Variants in COL16A1 observed in about 807,000 individuals in gnomAD.
COL16A1 encodes the protein collagen alpha-1(XVI) chain.
Under a neutral mutation model 266.3 loss-of-function variants are expected in COL16A1, and 189 were observed. The ratio of observed to expected loss-of-function variants is 0.71; its 90% CI spans 0.63 to 0.80. The LOEUF (loss-of-function observed/expected upper bound fraction) is 0.80, where lower values mean the gene tolerates loss of function less well. Among genes scored for constraint, COL16A1 ranks in the 30% least tolerant of loss-of-function variants. The pLI, the probability that COL16A1 is intolerant of heterozygous loss-of-function variation, is 0.00. For missense variants in COL16A1, 1,928 were observed against 2,122.4 expected (o/e 0.91, Z 1.80); for synonymous variants, 740 against 782.3 (o/e 0.95, Z 0.90).
At chr1:31,694,079 A>C in intron 12 of COL16A1, 65 bp downstream of exon 12, 1 of 1,477,138 alleles carries the variant, frequency 6.8e-7, no homozygotes. Context: ...ACAGGGTCAC[A>C]TGCTGTGGGA....
chr1:31,665,471 G>T, intron 55 of COL16A1, 112 bp downstream of exon 55: 1 of 1,588,676 alleles, frequency 6.3e-7, no homozygotes. Flanking sequence ...GTTCTCCCCT[G>T]CCTCTCCCCT....
rs755093440 is a variant in COL16A1, at chr1:31,683,963, A to G, written c.2324T>C (p.Leu775Pro). 8.1e-6 allele frequency: 13 copies of G among 1,614,058 alleles called. No individual in the cohort carries two copies. The highest frequency in any genetic ancestry group is 5.9e-6 in the Non-Finnish European group (7 of 1,180,020). The change falls in exon 33 of 71, where the codon CTG becomes CCG. Residue 775 changes from leucine (L) to proline (P), a missense_variant. By Grantham distance (98) the Leu-to-Pro change is moderately conservative. Coordinates refer to ENST00000373672, the MANE Select transcript of COL16A1 (RefSeq NM_001856.4). ...GLPGVQGPPG[L>P]KGVQGEPGPP... ...ACTCACACATACCTGCACGCCCTTC[A>G]GTCCTGGGGGCCCTTGAACTCCTGG... is the stretch of plus-strand genomic sequence containing the variant.
intron 55 of COL16A1, 54 bp downstream of exon 55, chr1:31,665,529 C>G: frequency 1.9e-6 from 3 of 1,613,896 alleles, no homozygotes; most frequent in Non-Finnish European, 2.5e-6. Flanking sequence ...TCAGGCCTGC[C>G]CCTCCCGATG....
At chr1:31,691,373 G>A (rs750377753) in intron 19 of COL16A1, 44 bp downstream of exon 19, 10 of 1,591,088 alleles carry the variant, frequency 6.3e-6, no homozygotes, top group South Asian at 3.4e-5. Context: ...GTGGGAGAGC[G>A]GTCTCTGAGA....
chr1:31,673,135 T>A (rs1319930573), intron 44 of COL16A1: 1 of 459,776 alleles, frequency 2.2e-6, no homozygotes, highest in Non-Finnish European at 4.1e-6. Context: ...AGAGGGACCA[T>A]CTGTCCCGGC....
At chr1:31,675,430 G>A (rs1029336354) in intron 42 of COL16A1, 119 bp from the exon 43 acceptor site, 3 of 1,440,140 alleles carry the variant, frequency 2.1e-6, no homozygotes, top group African/African-American at 1.4e-5. Flanking sequence ...TGAGAGCCCT[G>A]GCTGGCACAA....
rs758370549 is a variant in COL16A1, at chr1:31,688,739, A to T, written c.1767+122T>A. Reference sequence around the variant, plus strand: ...AGGGACCAGGAGACAGGCCTGGGACACCTGCCTCTTCCCCTCCCTCCTGAT... The same window carrying T: ...AGGGACCAGGAGACAGGCCTGGGACTCCTGCCTCTTCCCCTCCCTCCTGAT... On this transcript the variant is annotated intron_variant, in intron 25 of 70. Transcript: ENST00000373672. The surrounding 1 kb of genome is among the most constrained non-coding windows in gnomAD (Gnocchi z 4.9). 49 of 1,161,742 alleles carry T rather than the reference A, an allele frequency of 4.2e-5. No individual in the cohort carries two copies. Among genetic ancestry groups the T allele is most frequent in the Non-Finnish European group, 6.0e-5 (49 of 811,100 alleles). 72.0% of individuals were successfully genotyped at this position (1,161,742 alleles called of 1,614,324 possible). A position where few individuals can be genotyped will look rare whatever the true frequency, so the allele number is the denominator to read the frequency against.
chr1:31,655,323 AG>A lies in COL16A1; in HGVS notation c.4280del (p.Pro1427LeufsTer8). ...CAGCCTTCCCCCTTACCATGGAGCCAGGCACACCAGGCAAGCCAGGGCTCCC... is the reference window on the plus strand; with the variant it reads ...CAGCCTTCCCCCTTACCATGGAGCCAGCACACCAGGCAAGCCAGGGCTCCC... ...PSGSPGLPGV[P>X]GSMGDMVNYD... On this transcript the variant is annotated frameshift_variant, in exon 67 of 71. Coordinates refer to ENST00000373672, the MANE Select transcript of COL16A1 (RefSeq NM_001856.4). LOFTEE classifies it high-confidence loss of function. 6.2e-7 allele frequency: 1 copy of A among 1,613,230 alleles called. No homozygotes were observed. Among genetic ancestry groups the A allele is most frequent in the Non-Finnish European group, 8.5e-7 (1 of 1,179,620 alleles).
At chr1:31,659,123 A>G (rs1302109424) in intron 62 of COL16A1, among the ~76,000 whole-genome samples, 159 bp from the exon 63 acceptor site, 1 of 152,172 alleles carries the variant, frequency 6.6e-6, no homozygotes, top group Non-Finnish European at 1.5e-5. Context: ...TTCGGACAAG[A>G]TTTGCGCCCA....
chr1:31,691,339 C>A lies in COL16A1; in HGVS notation c.1398+78G>T, dbSNP rs2297680. 230,035 of 1,580,366 alleles carry A rather than the reference C, an allele frequency of 0.15. 20,603 individuals carry two copies. The highest frequency in any genetic ancestry group is 0.37 in the South Asian group (31,847 of 85,340). On this transcript the variant is annotated intron_variant, in intron 19 of 70. Coordinates refer to ENST00000373672, the MANE Select transcript of COL16A1 (RefSeq NM_001856.4). ...GATCCCTGGGACAGAGCCTTATCTT[C>A]CCCCCGTTCATTCCCTGGCCAGGGT...
chr1:31,671,639 G>A lies in COL16A1; in HGVS notation c.3126C>T (p.Gly1042=), dbSNP rs1266213716. The A allele has an allele frequency of 1.2e-6, 2 of 1,614,068 alleles. No individual in the cohort carries two copies. The highest frequency in any genetic ancestry group is 1.1e-5 in the South Asian group (1 of 91,076). Residue 1042 remains glycine (G), a synonymous_variant, in exon 48 of 71, where the codon GGC becomes GGT. Coordinates refer to ENST00000373672, the MANE Select transcript of COL16A1 (RefSeq NM_001856.4). ...CGATAGGGCCTGGAGGACCCGGGGA[G>A]CCCCTCATGCCAGGCGGACCCTGCA... ...RGEEGPPGMR[G]SPGPPGPIGP... is the part of the protein sequence containing the mutation.
chr1:31,662,830 CTCCCCAGGAG>C, intron 56 of COL16A1, 172 bp from the exon 57 acceptor site: 1 of 650,070 alleles, frequency 1.5e-6, no homozygotes, highest in South Asian at 1.9e-5. Flanking sequence ...CACACGTCGC[CTCCCCAGGAG>C]GATCTGTCTT....
intron 60 of COL16A1, 121 bp from the exon 61 acceptor site, chr1:31,661,240 G>A (rs1295933749): frequency 7.5e-6 from 11 of 1,467,926 alleles, no homozygotes; most frequent in Admixed American, 4.1e-5. Context: ...GCCCTCTGAT[G>A]CCCTCCAGCT....
rs764202561 is a variant in COL16A1, at chr1:31,652,618, C to G, written c.*33G>C. 12 of 1,528,204 alleles carry G rather than the reference C, an allele frequency of 7.9e-6. No homozygotes were observed. Among genetic ancestry groups the G allele is most frequent in the Non-Finnish European group, 7.9e-6 (9 of 1,141,604 alleles). 94.7% of individuals were successfully genotyped at this position (1,528,204 alleles called of 1,614,324 possible). A position where few individuals can be genotyped will look rare whatever the true frequency, so the allele number is the denominator to read the frequency against. ...ATAAGCTTTGGCCATTTATTCCCAA[C>G]GGAGTCTTTCATCCAAAGGCAGGTG... On this transcript the variant is annotated 3_prime_UTR_variant, in exon 71 of 71. Coordinates refer to ENST00000373672, the MANE Select transcript of COL16A1 (RefSeq NM_001856.4). The surrounding 1 kb of genome is among the most constrained non-coding windows in gnomAD (Gnocchi z 4.8).
At position 31,670,523 on chromosome 1, in the gene COL16A1, G is replaced by A. The variant is rs1035797570; in HGVS notation, c.3195+79C>T. 8.4e-6 allele frequency: 11 copies of A among 1,306,774 alleles called. No homozygotes were observed. The highest frequency in any genetic ancestry group is 6.3e-5 in the East Asian group (2 of 31,938). 80.9% of individuals were successfully genotyped at this position (1,306,774 alleles called of 1,614,324 possible). A position where few individuals can be genotyped will look rare whatever the true frequency, so the allele number is the denominator to read the frequency against. ...ACACGGAGGACGGAGGTGAAGGCAC[G>A]ACAGGAGGGAGACAAGCAAAAGCCA... is the stretch of plus-strand genomic sequence containing the variant. On this transcript the variant is annotated intron_variant, in intron 49 of 70. Coordinates refer to ENST00000373672, the MANE Select transcript of COL16A1 (RefSeq NM_001856.4). This position sits in a 1 kb window ranked among gnomAD's most constrained non-coding sequence, Gnocchi z 4.5.
rs558123521 is a variant in COL16A1 at position 31,668,111 on chromosome 1, G to A, written c.3303+54C>T. ...CAGCCTGGCTGTGTCCTGACCACCA[G>A]CCCAAACCTCTGGTACCTGGCACCC... On this transcript the variant is annotated intron_variant, in intron 51 of 70. Transcript: ENST00000373672. The surrounding 1 kb of genome is among the most constrained non-coding windows in gnomAD (Gnocchi z 5.8). 7.2e-6 allele frequency: 11 copies of A among 1,526,856 alleles called. No individual in the cohort carries two copies. In the East Asian group the frequency reaches 2.0e-4, roughly 28 times the overall value. 94.6% of individuals were successfully genotyped at this position (1,526,856 alleles called of 1,614,324 possible).
intron 64 of COL16A1, among the ~76,000 whole-genome samples, chr1:31,658,078 T>C (rs1641323119): frequency 6.6e-6 from 1 of 152,244 alleles, no homozygotes; most frequent in Non-Finnish European, 1.5e-5. Context: ...GCGCTCTTAG[T>C]GTTAAACGTG....
chr1:31,692,919 AG>A (rs1467528118), intron 13 of COL16A1, 111 bp from the exon 14 acceptor site: 5 of 1,148,740 alleles, frequency 4.4e-6, no homozygotes, highest in Non-Finnish European at 6.4e-6. Context: ...TCCCTAGAAA[AG>A]GGGGGCTTCT....
At position 31,685,259 on chromosome 1, in the gene COL16A1, T is replaced by G. The variant is rs563447270; in HGVS notation, c.2016+380A>C. 8.9e-5 allele frequency among the ~76,000 whole-genome samples: 13 copies of G among 146,584 alleles called. No individual in the cohort carries two copies. The highest frequency in any genetic ancestry group is 6.2e-4 in the South Asian group (3 of 4,822). Reference sequence around the variant, plus strand: ...TAATAACCACAGTGGTAACTGCCATTTCCCCAGTGCCCATGGTGTACCACT... The same window carrying G: ...TAATAACCACAGTGGTAACTGCCATGTCCCCAGTGCCCATGGTGTACCACT... On this transcript the variant is annotated intron_variant, in intron 29 of 70. Transcript: ENST00000373672. The surrounding 1 kb of genome is among the most constrained non-coding windows in gnomAD (Gnocchi z 4.0).
Sources: allele counts gnomAD v4.1 joint callset (sites outside exome capture counted in the v4.1 genomes callset), GRCh38; gene constraint gnomAD v4.1.1; non-coding constraint Gnocchi (gnomAD v3.1); transcripts MANE v1.5; gene names NCBI Gene and HGNC (gene_info 2026-07-23, HGNC 2026-07-21).